The following TET3 variants were observed in gnomAD, a reference collection of about 807,000 sequenced individuals.
TET3 encodes methylcytosine dioxygenase TET3.
In TET3, 19 loss-of-function variants were observed where a neutral mutation model predicts 141.4. The observed-to-expected ratio is 0.13, with a 90% CI of 0.09 to 0.20. The LOEUF (loss-of-function observed/expected upper bound fraction) is 0.20. TET3 is among the 10% of genes least tolerant of loss of function. The pLI is 1.00. For synonymous variants in TET3, 1,043 were observed against 980.9 expected, an observed-to-expected ratio of 1.06 and a Z score of -1.18; for missense variants, 1,874 against 2,356.9, an observed-to-expected ratio of 0.80 and a Z score of 4.24.
At chr2:74,129,656 C>T in the TET3 span, among the ~76,000 whole-genome samples, 3 of 151,898 alleles carry the variant, frequency 2.0e-5, no homozygotes, top group Non-Finnish European at 4.4e-5. Flanking sequence ...TTGAAAAAAC[C>T]TTAAGGGCAT....
intron 4 of TET3, among the ~76,000 whole-genome samples, chr2:74,054,106 A>G (rs1267013388): frequency 1.3e-5 from 2 of 152,166 alleles, no homozygotes; most frequent in Non-Finnish European, 2.9e-5. Flanking sequence ...ATGAGAGAAC[A>G]TGGGGAAATA....
In TET3 at chr2:74,041,269, C is replaced by A. The variant is rs183947895; in HGVS notation, c.361-5009C>A. On this transcript the variant is annotated intron_variant, in intron 3 of 11. Transcript: ENST00000409262. The stretch of plus-strand genomic sequence containing the variant: ...AAGGCCACTCAAAACAAGTCTAATT[C>A]TTTTCCCAAACAGTAGGCCTTCAGA... 2.6e-5 allele frequency among the ~76,000 whole-genome samples: 4 copies of A among 152,286 alleles called. No homozygotes were observed. In the East Asian group the frequency reaches 5.8e-4, roughly 22 times the overall value.
At position 74,101,149 on chromosome 2, in the gene TET3, G is replaced by A; in HGVS notation, c.4361G>A (p.Gly1454Asp). 2 of 1,613,872 alleles carry A rather than the reference G, an allele frequency of 1.2e-6. No homozygotes were observed. Among genetic ancestry groups the A allele is most frequent in the Non-Finnish European group, 8.5e-7 (1 of 1,179,848 alleles). Residue 1454 changes from glycine to aspartate, a missense_variant, in exon 12 of 12, where the codon GGC becomes GAC. Transcript: ENST00000409262. The surrounding 1 kb of genome is among the most constrained non-coding windows in gnomAD (Gnocchi z 8.5). ...MSPKRTNGVGGSWGVFSSGES... is the reference protein window; with the variant it reads ...MSPKRTNGVGDSWGVFSSGES... The stretch of plus-strand genomic sequence containing the variant: ...CCCAAGAGGACTAACGGTGTGGGTG[G>A]CAGCTGGGGTGTGTTCTCGTCTGGG...
intron 5 of TET3, among the ~76,000 whole-genome samples, chr2:74,075,320 CTTTTT>C (rs971111434): frequency 6.7e-5 from 6 of 89,080 alleles, no homozygotes; most frequent in East Asian, 3.2e-4. Flanking sequence ...GAGCCAAATA[CTTTTT>C]TTTTTTTTTT....
intron 3 of TET3, among the ~76,000 whole-genome samples, chr2:74,020,490 A>T (rs909572529): frequency 1.3e-5 from 2 of 152,282 alleles, no homozygotes; most frequent in Admixed American, 6.5e-5. Context: ...TTTGCATTTT[A>T]TATGTAAGCT....
At position 74,100,465 on chromosome 2, in the gene TET3, T is replaced by G; in HGVS notation, c.3677T>G (p.Phe1226Cys). 1 of 1,589,656 alleles carries G rather than the reference T, an allele frequency of 6.3e-7. No individual in the cohort carries two copies. Among genetic ancestry groups the G allele is most frequent in the Non-Finnish European group, 8.6e-7 (1 of 1,168,284 alleles). ...PSLKVEPQNHFSSFKYSGNAV... is the reference protein window; with the variant it reads ...PSLKVEPQNHCSSFKYSGNAV... Reference sequence around the variant, plus strand: ...CTCAAGGTGGAGCCGCAGAACCACTTCAGCTCCTTCAAGTACAGCGGCAAC... The same window carrying G: ...CTCAAGGTGGAGCCGCAGAACCACTGCAGCTCCTTCAAGTACAGCGGCAAC... The change falls in exon 12 of 12, where the codon TTC (phenylalanine) becomes TGC (cysteine). Residue 1226 changes from phenylalanine (F) to cysteine (C), a missense_variant. Physicochemically the swap from Phe to Cys is radical, Grantham distance 205. Around this residue, in one of 10 missense-constraint regions of TET3, gnomAD observed 602 missense variants for 590.2 expected, o/e 1.02. Coordinates refer to ENST00000409262, the MANE Select transcript of TET3 (RefSeq NM_001287491.2).
chr2:74,001,515 A>G (rs539079925), intron 2 of TET3, among the ~76,000 whole-genome samples: 8 of 152,200 alleles, frequency 5.3e-5, no homozygotes, highest in Non-Finnish European at 1.2e-4. Flanking sequence ...AGAGGCTACG[A>G]GAGGTAAGTT....
In TET3 at chr2:74,103,248, G is replaced by A. The variant is rs1322549181; in HGVS notation, c.*1072G>A. 6.6e-6 allele frequency: 1 copy of A among 152,576 alleles called. No individual in the cohort carries two copies. Among genetic ancestry groups the A allele is most frequent in the Non-Finnish European group, 1.5e-5 (1 of 68,160 alleles). 9.5% of individuals were successfully genotyped at this position (152,576 alleles called of 1,614,324 possible). Reference sequence around the variant, plus strand: ...GAACCCAAGCTGTGAAAAGCCAGTGGTGCTCTGTGCATGGTGCTGTGCGGA... The same window carrying A: ...GAACCCAAGCTGTGAAAAGCCAGTGATGCTCTGTGCATGGTGCTGTGCGGA... On this transcript the variant is annotated 3_prime_UTR_variant, in exon 12 of 12. Coordinates refer to ENST00000409262, the MANE Select transcript of TET3 (RefSeq NM_001287491.2).
chr2:74,007,105 G>T (rs1685191691), intron 3 of TET3, among the ~76,000 whole-genome samples: 1 of 152,214 alleles, frequency 6.6e-6, no homozygotes, highest in Non-Finnish European at 1.5e-5. Flanking sequence ...ACCATTGGAA[G>T]TAAGAGACAT....
rs1210189917 is a variant in TET3 at position 74,093,229 on chromosome 2, AC to A, written c.3129+240del. Among the ~76,000 whole-genome samples the A allele has an allele frequency of 6.6e-6, 1 of 151,714 alleles. No individual in the cohort carries two copies. Among genetic ancestry groups the A allele is most frequent in the Non-Finnish European group, 1.5e-5 (1 of 67,948 alleles). On this transcript the variant is annotated intron_variant, in intron 9 of 11. Coordinates refer to ENST00000409262, the MANE Select transcript of TET3 (RefSeq NM_001287491.2). The surrounding 1 kb of genome is among the most constrained non-coding windows in gnomAD (Gnocchi z 4.2). ...TCTCCCTTCCCCTGGTAACCCATCC[AC>A]CTCCTCTGGTCTGGTATCCACTGGT...
At position 74,056,031 on chromosome 2, in the gene TET3, A is replaced by G. The variant is rs571671499; in HGVS notation, c.2494+7620A>G. 2.6e-5 allele frequency among the ~76,000 whole-genome samples: 4 copies of G among 152,360 alleles called. No individual in the cohort carries two copies. In the East Asian group the frequency reaches 7.7e-4, roughly 29 times the overall value. Reference sequence around the variant, plus strand: ...TGTTATAAACAACAGAAAATGGACTAAGAAACTGGGGCAATTATATAGGAT... The same window carrying G: ...TGTTATAAACAACAGAAAATGGACTGAGAAACTGGGGCAATTATATAGGAT... On this transcript the variant is annotated intron_variant, in intron 4 of 11. Coordinates refer to ENST00000409262, the MANE Select transcript of TET3 (RefSeq NM_001287491.2).
the TET3 span, among the ~76,000 whole-genome samples, chr2:74,123,502 AAC>A: frequency 3.3e-5 from 5 of 152,202 alleles, 1 homozygote; most frequent in Admixed American, 1.3e-4. Context: ...CCGACCAAGA[AAC>A]ACGCCAGCCA....
intron 8 of TET3, among the ~76,000 whole-genome samples, chr2:74,092,044 C>T (rs1372709274): frequency 6.6e-6 from 1 of 152,240 alleles, no homozygotes; most frequent in African/African-American, 2.4e-5. Flanking sequence ...TGGCTCACGC[C>T]TGTAATCCTA....
intron 6 of TET3, among the ~76,000 whole-genome samples, chr2:74,086,392 A>G (rs928470757): frequency 1.3e-5 from 2 of 152,074 alleles, no homozygotes; most frequent in Non-Finnish European, 2.9e-5. Context: ...AAAAAAAAAA[A>G]GTAGCTTTAT....
the TET3 span, chr2:74,135,254 C>G: frequency 6.7e-6 from 3 of 445,296 alleles, no homozygotes; most frequent in African/African-American, 3.9e-5. Context: ...GATGAAGAGG[C>G]CTGAGCAGTT....
chr2:74,111,279 A>G (rs1001395037), downstream of TET3, among the ~76,000 whole-genome samples: 7 of 152,050 alleles, frequency 4.6e-5, no homozygotes, highest in Non-Finnish European at 8.8e-5. Context: ...CTCAACTATG[A>G]CCCTAATGCC....
intron 4 of TET3, among the ~76,000 whole-genome samples, chr2:74,067,807 G>A (rs1472532833): frequency 5.9e-5 from 9 of 152,228 alleles, no homozygotes; most frequent in African/African-American, 1.9e-4. Context: ...ATGGGATACC[G>A]AGTGGTTGTG....
chr2:74,033,724 A>G (rs1267086901), intron 3 of TET3, among the ~76,000 whole-genome samples: 1 of 152,240 alleles, frequency 6.6e-6, no homozygotes, highest in Non-Finnish European at 1.5e-5. Context: ...ATGTGTACAT[A>G]CCTTAATTTT....
chr2:74,022,399 G>A (rs1686097520), intron 3 of TET3, among the ~76,000 whole-genome samples: 1 of 150,662 alleles, frequency 6.6e-6, no homozygotes, highest in Non-Finnish European at 1.5e-5. Flanking sequence ...TTCTTTTAAT[G>A]TATGTTTGGG....
Sources: gnomAD v4.1 joint callset for allele counts (sites outside exome capture counted in the v4.1 genomes callset) on GRCh38, gnomAD v4.1.1 for gene constraint, gnomAD v4.1.1 regional missense constraint, Gnocchi (gnomAD v3.1) non-coding constraint, MANE v1.5 for transcripts, NCBI Gene and HGNC (gene_info 2026-07-23, HGNC 2026-07-21) for gene names.